Variants in ITPR2 observed in about 807,000 individuals in gnomAD.
The protein encoded by ITPR2 is inositol 1,4,5-trisphosphate-gated calcium channel ITPR2.
A neutral mutation model predicts 317.1 loss-of-function variants in ITPR2; 207 were observed. That is an observed-to-expected ratio of 0.65 (90% CI 0.58 to 0.73). The LOEUF (loss-of-function observed/expected upper bound fraction) is 0.73. Among genes scored for constraint, ITPR2 ranks in the 30% least tolerant of loss-of-function variants. ITPR2 has a pLI of 0.00. For synonymous variants in ITPR2, 1,156 were observed against 1,149.1 expected (o/e 1.01, Z -0.12); for missense variants, 2,613 against 3,284.0 (o/e 0.80, Z 4.99).
chr12:26,772,415 T>TATACATATTATATATATAATATATATATA (rs1949861466), intron 2 of ITPR2, among the ~76,000 whole-genome samples: 1 of 120,974 alleles, frequency 8.3e-6, no homozygotes, highest in Admixed American at 9.1e-5. Flanking sequence ...TATACACATT[T>TATACATATTATATATATAATATATATATA]ATATATATTA....
chr12:26,697,191 A>G (rs1948367895), intron 9 of ITPR2, among the ~76,000 whole-genome samples: 1 of 152,218 alleles, frequency 6.6e-6, no homozygotes, highest in East Asian at 1.9e-4. Flanking sequence ...GCAGCTGAAC[A>G]TTTAGAAAGA....
At chr12:26,543,856 A>AT (rs760508679) in intron 37 of ITPR2, among the ~76,000 whole-genome samples, 11 of 152,134 alleles carry the variant, frequency 7.2e-5, no homozygotes, top group Non-Finnish European at 1.2e-4. Context: ...CAACATACAT[A>AT]TTTTTTTAAA....
intron 2 of ITPR2, among the ~76,000 whole-genome samples, chr12:26,752,796 T>G (rs2137108180): frequency 6.6e-6 from 1 of 152,302 alleles, no homozygotes; most frequent in South Asian, 2.1e-4. Context: ...AACATCATTC[T>G]GGAGACCACC....
intron 37 of ITPR2, 32 bp from the exon 38 acceptor site, chr12:26,495,292 C>T (rs1942907739): frequency 3.3e-6 from 4 of 1,204,042 alleles, no homozygotes; most frequent in Non-Finnish European, 1.2e-6. Context: ...AGTTACTGTT[C>T]CCTTTTCTAA....
chr12:26,343,189 C>T (rs936913964), intron 55 of ITPR2, among the ~76,000 whole-genome samples: 6 of 152,148 alleles, frequency 3.9e-5, no homozygotes, highest in African/African-American at 1.4e-4. Flanking sequence ...CACAGCAACA[C>T]AAAACAGATT....
At chr12:26,820,712 A>G (rs992851388) in intron 1 of ITPR2, among the ~76,000 whole-genome samples, 2 of 152,228 alleles carry the variant, frequency 1.3e-5, no homozygotes, top group South Asian at 2.1e-4. Context: ...ATAGCCAAAA[A>G]GTGGAAACAA....
At chr12:26,559,909 A>C (rs1163651323) in intron 35 of ITPR2, among the ~76,000 whole-genome samples, 1 of 152,176 alleles carries the variant, frequency 6.6e-6, no homozygotes, top group African/African-American at 2.4e-5. Flanking sequence ...CCACCCTCCC[A>C]GTAATTCTCC....
At chr12:26,506,197 C>G (rs1943178399) in intron 37 of ITPR2, among the ~76,000 whole-genome samples, 2 of 130,302 alleles carry the variant, frequency 1.5e-5, no homozygotes, top group Admixed American at 1.5e-4. Flanking sequence ...AGGGAGACCT[C>G]TTCTCTACCA....
At chr12:26,399,596 T>C (rs942880567) in intron 53 of ITPR2, among the ~76,000 whole-genome samples, 3 of 152,222 alleles carry the variant, frequency 2.0e-5, no homozygotes, top group Non-Finnish European at 2.9e-5. Context: ...TTTGACAATA[T>C]GATACAACTG....
At chr12:26,510,839 C>T (rs1427872429) in intron 37 of ITPR2, among the ~76,000 whole-genome samples, 1 of 152,044 alleles carries the variant, frequency 6.6e-6, no homozygotes, top group Admixed American at 6.5e-5. Context: ...TTTGCTCTTC[C>T]GAAATATTTT....
intron 34 of ITPR2, among the ~76,000 whole-genome samples, chr12:26,562,302 A>G (rs951595268): frequency 2.0e-5 from 3 of 152,228 alleles, no homozygotes; most frequent in African/African-American, 4.8e-5. Flanking sequence ...AACACACGAT[A>G]TAATTCTTCC....
intron 26 of ITPR2, among the ~76,000 whole-genome samples, chr12:26,613,103 CTAACTT>C (rs1410444261): frequency 6.6e-6 from 1 of 152,166 alleles, no homozygotes; most frequent in East Asian, 1.9e-4. Context: ...GTCCAGATAT[CTAACTT>C]TAAGAACGGA....
chr12:26,337,894 A>G lies in ITPR2; in HGVS notation c.*1503T>C, dbSNP rs1266923736. On this transcript the variant is annotated 3_prime_UTR_variant, in exon 57 of 57. Transcript: ENST00000381340. ...TTGGTTCAGGCTTCCTTTATATTCT[A>G]CATAGATCTTGATTTGGGATTTTTA... 1.3e-5 allele frequency: 2 copies of G among 152,232 alleles called. No individual in the cohort carries two copies. Among genetic ancestry groups the G allele is most frequent in the African/African-American group, 4.8e-5 (2 of 41,460 alleles). The allele number at this position is 152,232 out of a possible 1,614,324, so 9.4% of individuals were successfully genotyped here. A position where few individuals can be genotyped will look rare whatever the true frequency, so the allele number is the denominator to read the frequency against.
rs755334309 is a variant in ITPR2, at chr12:26,596,889, G to C, written c.4248C>G (p.Ile1416Met). The C allele has an allele frequency of 6.5e-7, 1 of 1,533,414 alleles. No individual in the cohort carries two copies. Among genetic ancestry groups the C allele is most frequent in the Non-Finnish European group, 8.8e-7 (1 of 1,140,858 alleles). 95.0% of individuals were successfully genotyped at this position (1,533,414 alleles called of 1,614,324 possible). A position where few individuals can be genotyped will look rare whatever the true frequency, so the allele number is the denominator to read the frequency against. The change falls in exon 31 of 57, where the codon ATC becomes ATG. Residue 1416 changes from isoleucine (I) to methionine (M), a missense_variant. Physicochemically the swap from Ile to Met is conservative, Grantham distance 10 (BLOSUM62 1). Around this residue, in one of 9 missense-constraint regions of ITPR2, gnomAD observed 926 missense variants for 1,072.8 expected, o/e 0.86. Coordinates refer to ENST00000381340, the MANE Select transcript of ITPR2 (RefSeq NM_002223.4). ...IVRVVTHDDC[I>M]PEVKIAYVNF... is the part of the protein sequence containing the mutation. Reference sequence around the variant, plus strand: ...AAGCTTTTGCCAGGCTTACCTCAGGGATGCAGTCGTCATGGGTCACCACCC... The same window carrying C: ...AAGCTTTTGCCAGGCTTACCTCAGGCATGCAGTCGTCATGGGTCACCACCC...
intron 32 of ITPR2, among the ~76,000 whole-genome samples, chr12:26,592,895 A>G (rs1945742814): frequency 6.6e-6 from 1 of 152,220 alleles, no homozygotes; most frequent in African/African-American, 2.4e-5. Context: ...TCTGGATACA[A>G]TGATATGGAT....
intron 2 of ITPR2, among the ~76,000 whole-genome samples, chr12:26,779,915 C>T (rs1200335772): frequency 6.6e-6 from 1 of 152,186 alleles, no homozygotes; most frequent in Non-Finnish European, 1.5e-5. Flanking sequence ...GGTATGTAGA[C>T]GGGCCTCTCT....
At chr12:26,656,665 G>A (rs1326473390) in intron 18 of ITPR2, 117 bp from the exon 19 acceptor site, 3 of 1,035,140 alleles carry the variant, frequency 2.9e-6, no homozygotes, top group Non-Finnish European at 4.2e-6. Context: ...TCATGATATT[G>A]GAGTCAAACT....
intron 11 of ITPR2, among the ~76,000 whole-genome samples, chr12:26,686,138 T>A (rs991755987): frequency 1.3e-5 from 2 of 152,096 alleles, no homozygotes; most frequent in Non-Finnish European, 2.9e-5. Context: ...AATGGATGAA[T>A]GAAATGGGAA....
intron 2 of ITPR2, among the ~76,000 whole-genome samples, chr12:26,783,332 G>A (rs914075270): frequency 6.6e-6 from 1 of 152,168 alleles, no homozygotes; most frequent in Non-Finnish European, 1.5e-5. Context: ...GAACCTTCAA[G>A]ACCAAATGGC....
Sources: gnomAD v4.1 joint callset for allele counts (sites outside exome capture counted in the v4.1 genomes callset) on GRCh38, gnomAD v4.1.1 for gene constraint, gnomAD v4.1.1 regional missense constraint, MANE v1.5 for transcripts, NCBI Gene and HGNC (gene_info 2026-07-23, HGNC 2026-07-21) for gene names.